Variants in USH2A observed in about 807,000 individuals in gnomAD.
USH2A encodes the protein usherin.
In USH2A, 443 loss-of-function variants were observed where a neutral mutation model predicts 538.9. The observed-to-expected ratio is 0.82, with a 90% confidence interval of 0.76 to 0.89. The LOEUF (loss-of-function observed/expected upper bound fraction) is 0.89. Ranked by LOEUF, USH2A falls within the 40% of genes least tolerant of loss-of-function variation. USH2A has a pLI of 0.00. For missense variants in USH2A, 6,633 were observed against 6,324.8 expected (o/e 1.05, Z -1.65); for synonymous variants, 2,413 against 2,273.5 (o/e 1.06, Z -1.75).
At chr1:215,657,496 ACTGT>A (rs534604225) in intron 64 of USH2A, among the ~76,000 whole-genome samples, 82 of 152,320 alleles carry the variant, frequency 5.4e-4, no homozygotes, top group African/African-American at 1.7e-3. Flanking sequence ...TATTTATTTA[ACTGT>A]CTATCTATCT....
chr1:215,847,145 T>C (rs988778391), intron 44 of USH2A, among the ~76,000 whole-genome samples: 1 of 152,212 alleles, frequency 6.6e-6, no homozygotes, highest in Non-Finnish European at 1.5e-5. Context: ...TTCTTTTCCT[T>C]AGGCTCTGCT....
chr1:215,776,205 C>T (rs749298739), intron 55 of USH2A, among the ~76,000 whole-genome samples: 26 of 152,162 alleles, frequency 1.7e-4, no homozygotes, highest in Admixed American at 1.4e-3. Flanking sequence ...CTTTTATTGA[C>T]AAGCTGCCAT....
chr1:215,824,210 A>T (rs1424112379), intron 47 of USH2A, among the ~76,000 whole-genome samples: 6 of 152,094 alleles, frequency 3.9e-5, no homozygotes, highest in African/African-American at 1.4e-4. Flanking sequence ...ATCCTCTCAT[A>T]TATTACTCTT....
chr1:215,758,741 T>C lies in USH2A; in HGVS notation c.11243A>G (p.Lys3748Arg), dbSNP rs1660888616. 6.2e-7 allele frequency: 1 copy of C among 1,613,784 alleles called. No individual in the cohort carries two copies. Among genetic ancestry groups the C allele is most frequent in the African/African-American group, 1.3e-5 (1 of 74,918 alleles). The change falls in exon 58 of 72, where the codon AAG becomes AGG. Residue 3748 changes from lysine (K) to arginine (R), a missense_variant. Coordinates refer to ENST00000307340, the MANE Select transcript of USH2A (RefSeq NM_206933.4). ...NLEPNSRYTYKLEVKTGGGSS... is the reference protein window; with the variant it reads ...NLEPNSRYTYRLEVKTGGGSS... Reference sequence around the variant, plus strand: ...GCCACCTCCAGTTTTGACTTCTAACTTGTAAGTGTATCTATATTTAAAAAG... The same window carrying C: ...GCCACCTCCAGTTTTGACTTCTAACCTGTAAGTGTATCTATATTTAAAAAG...
intron 67 of USH2A, among the ~76,000 whole-genome samples, chr1:215,644,940 G>C (rs1656799986): frequency 6.6e-6 from 1 of 152,190 alleles, no homozygotes; most frequent in Non-Finnish European, 1.5e-5. Flanking sequence ...TACACAGAAA[G>C]ATTAAGGAGA....
At position 215,641,257 on chromosome 1, in the gene USH2A, A is replaced by G. The variant is rs567939272; in HGVS notation, c.14792-523T>C. On this transcript the variant is annotated intron_variant, in intron 67 of 71. Transcript: ENST00000307340. Reference sequence around the variant, plus strand: ...AGATGGTGAATTACGTCCTTTTGGCACCCATTTATTGTTAAAGCTTTTTCT... The same window carrying G: ...AGATGGTGAATTACGTCCTTTTGGCGCCCATTTATTGTTAAAGCTTTTTCT... 7.9e-5 allele frequency among the ~76,000 whole-genome samples: 12 copies of G among 152,262 alleles called. 1 individual carries two copies. In the South Asian group the frequency reaches 2.5e-3, roughly 32 times the overall value.
At chr1:216,277,810 T>C (rs1019449214) in intron 11 of USH2A, among the ~76,000 whole-genome samples, 1 of 151,746 alleles carries the variant, frequency 6.6e-6, no homozygotes, top group Non-Finnish European at 1.5e-5. Flanking sequence ...AAAGTGGAAG[T>C]TGTTTTCCAC....
intron 32 of USH2A, among the ~76,000 whole-genome samples, chr1:216,028,653 C>T (rs940021960): frequency 2.6e-5 from 4 of 151,428 alleles, no homozygotes; most frequent in South Asian, 2.1e-4. Context: ...AAAGACAAAG[C>T]GGAAAAAAAT....
chr1:215,967,870 A>G (rs1289461142), intron 36 of USH2A, among the ~76,000 whole-genome samples: 1 of 152,158 alleles, frequency 6.6e-6, no homozygotes, highest in Non-Finnish European at 1.5e-5. Flanking sequence ...ATCACATAGC[A>G]ATGACCTATA....
chr1:215,746,113 T>C lies in USH2A; in HGVS notation c.11390-2778A>G, dbSNP rs140984575. 7.9e-3 allele frequency among the ~76,000 whole-genome samples: 1,203 copies of C among 152,290 alleles called. 42 individuals are homozygous for C. Among genetic ancestry groups the C allele is most frequent in the Admixed American group, 0.055 (835 of 15,282 alleles). On this transcript the variant is annotated intron_variant, in intron 58 of 71. Coordinates refer to ENST00000307340, the MANE Select transcript of USH2A (RefSeq NM_206933.4). The stretch of plus-strand genomic sequence containing the variant: ...TAATATTTATGAGGAAAAAAATTGA[T>C]TCCCAGCTGGAGCCACTGTCTATGT...
intron 38 of USH2A, among the ~76,000 whole-genome samples, chr1:215,934,082 T>C (rs2102499050): frequency 6.6e-6 from 1 of 152,168 alleles, no homozygotes; most frequent in Admixed American, 6.6e-5. Flanking sequence ...CCTGCTGAAC[T>C]GTAATTATTA....
chr1:215,668,279 T>C (rs1373794443), intron 64 of USH2A, among the ~76,000 whole-genome samples: 1 of 152,252 alleles, frequency 6.6e-6, no homozygotes, highest in Non-Finnish European at 1.5e-5. Flanking sequence ...TGTTTTAGTA[T>C]ATAACTTCCT....
intron 62 of USH2A, among the ~76,000 whole-genome samples, chr1:215,679,338 G>T (rs190429861): frequency 6.6e-6 from 1 of 152,292 alleles, no homozygotes; most frequent in African/African-American, 2.4e-5. Flanking sequence ...CAAAGAAAAG[G>T]GTAGTGTGTC....
intron 11 of USH2A, among the ~76,000 whole-genome samples, chr1:216,255,293 T>G (rs2036238429): frequency 6.6e-6 from 1 of 152,222 alleles, no homozygotes; most frequent in Non-Finnish European, 1.5e-5. Context: ...GGGTCTTCCC[T>G]TCTTTTGCTA....
At chr1:216,402,654 C>T (rs1200811699) in intron 3 of USH2A, among the ~76,000 whole-genome samples, 5 of 151,992 alleles carry the variant, frequency 3.3e-5, no homozygotes, top group African/African-American at 7.2e-5. Context: ...GAATACAGCA[C>T]GTAAAACATA....
Position 215,758,621 on chromosome 1 carries a change from G to T in USH2A, c.11363C>A (p.Ser3788Tyr), listed in dbSNP as rs1368476020. 1.2e-6 allele frequency: 2 copies of T among 1,611,592 alleles called. No individual in the cohort carries two copies. The highest frequency in any genetic ancestry group is 8.5e-7 in the Non-Finnish European group (1 of 1,179,394). ...TGGTGGTATCCAAGCTACAAATATAGAATAAGGCCCAATTACTGTGATATT... is the reference window on the plus strand; with the variant it reads ...TGGTGGTATCCAAGCTACAAATATATAATAAGGCCCAATTACTGTGATATT... ...PYNITVIGPY[S>Y]IFVAWIPPGI... is the part of the protein sequence containing the mutation. The change falls in exon 58 of 72, where the codon TCT becomes TAT. Residue 3788 changes from serine to tyrosine, a missense_variant. Ser to Tyr is a moderately radical substitution (Grantham distance 144). Coordinates refer to ENST00000307340, the MANE Select transcript of USH2A (RefSeq NM_206933.4).
chr1:215,627,430 TTCCTTCCTTCC>T (rs1558027412), intron 71 of USH2A, among the ~76,000 whole-genome samples: 3,115 of 120,050 alleles, frequency 0.026, 173 homozygotes, highest in East Asian at 0.15. Flanking sequence ...CCTTCCTTCC[TTCCTTCCTTCC>T]TTCCTTCCTT....
At chr1:215,769,648 C>T (rs894593225) in intron 55 of USH2A, among the ~76,000 whole-genome samples, 2 of 152,024 alleles carry the variant, frequency 1.3e-5, no homozygotes, top group African/African-American at 4.8e-5. Flanking sequence ...GGGATAGGTT[C>T]ACCTAGCAGG....
intron 31 of USH2A, among the ~76,000 whole-genome samples, chr1:216,047,188 C>T (rs1030924232): frequency 2.0e-5 from 3 of 151,832 alleles, no homozygotes; most frequent in South Asian, 2.1e-4. Context: ...AGAATTACTT[C>T]GTGGATATTT....
Sources: gnomAD v4.1 joint callset for allele counts (sites outside exome capture counted in the v4.1 genomes callset) on GRCh38, gnomAD v4.1.1 for gene constraint, MANE v1.5 for transcripts, NCBI Gene and HGNC (gene_info 2026-07-23, HGNC 2026-07-21) for gene names.